Variants in SEC23A observed in about 807,000 individuals in gnomAD.
The protein encoded by SEC23A is SEC23 homolog A, COPII component, also known as protein transport protein Sec23A.
A neutral mutation model predicts 103.7 loss-of-function variants in SEC23A; 56 were observed. The ratio of observed to expected loss-of-function variants is 0.54; its 90% CI spans 0.44 to 0.67. The LOEUF is 0.67. SEC23A is among the 30% of genes least tolerant of loss of function. SEC23A has a pLI of 0.00. For missense variants in SEC23A, 784 were observed against 936.4 expected, an observed-to-expected ratio of 0.84 and a Z score of 2.12; for synonymous variants, 281 against 293.0, an observed-to-expected ratio of 0.96 and a Z score of 0.42.
intron 13 of SEC23A, among the ~76,000 whole-genome samples, chr14:39,056,475 G>GCTTT (rs1484644843): frequency 6.7e-6 from 1 of 149,204 alleles, no homozygotes; most frequent in East Asian, 1.9e-4. Flanking sequence ...AGACAAATTA[G>GCTTT]CTTTTTTTTT....
At position 39,094,391 on chromosome 14, in the gene SEC23A, CACACACATATATATATATATATATATAT is replaced by C. The variant is rs1377497192; in HGVS notation, c.222-1175_222-1148del. ...ATATATATACACACACACACACACA[CACACACATATATATATATATATATATAT>C]ATATATATATATATATATATATATT... On this transcript the variant is annotated intron_variant, in intron 2 of 19. Transcript: ENST00000307712. 7.9e-4 allele frequency among the ~76,000 whole-genome samples: 31 copies of C among 39,460 alleles called. 4 individuals carry two copies. In the East Asian group the frequency reaches 8.6e-3, roughly 11 times the overall value. 25.9% of individuals were successfully genotyped at this position (39,460 alleles called of 152,430 possible).
At chr14:39,048,836 T>C (rs984768081) in intron 14 of SEC23A, 107 bp from the exon 15 acceptor site, 10 of 672,102 alleles carry the variant, frequency 1.5e-5, no homozygotes, top group Non-Finnish European at 1.8e-5. Context: ...AGGAAGCAGA[T>C]ACTTGATAAA....
At chr14:39,033,949 A>G (rs1426386500) in intron 19 of SEC23A, among the ~76,000 whole-genome samples, 1 of 152,228 alleles carries the variant, frequency 6.6e-6, no homozygotes, top group African/African-American at 2.4e-5. Flanking sequence ...TTTTCTTCTT[A>G]TACTCAAGTT....
chr14:39,091,743 T>C (rs1334898293), intron 4 of SEC23A, 30 bp from the exon 5 acceptor site: 2 of 1,471,818 alleles, frequency 1.4e-6, no homozygotes, highest in Admixed American at 1.7e-5. Flanking sequence ...AAAGAAAAAA[T>C]ATGTAGTTTA....
At chr14:39,088,070 G>A (rs1042532573) in intron 5 of SEC23A, 4 of 152,114 alleles carry the variant, frequency 2.6e-5, no homozygotes, top group African/African-American at 9.7e-5. Flanking sequence ...AAAATAGGTA[G>A]TTTATTCCTT....
intron 14 of SEC23A, among the ~76,000 whole-genome samples, chr14:39,052,825 T>C (rs1886113731): frequency 6.6e-6 from 1 of 152,108 alleles, no homozygotes; most frequent in Admixed American, 6.6e-5. Flanking sequence ...TCACAGTAAG[T>C]GAAAATGCTA....
chr14:39,034,831 T>C (rs1012024099), intron 19 of SEC23A, among the ~76,000 whole-genome samples: 4 of 152,194 alleles, frequency 2.6e-5, no homozygotes, highest in African/African-American at 9.7e-5. Context: ...TTATTTAGTA[T>C]ATGAGGCACT....
chr14:39,057,579 C>CTAG (rs1566490434), intron 13 of SEC23A, among the ~76,000 whole-genome samples: 3 of 152,154 alleles, frequency 2.0e-5, no homozygotes, highest in Non-Finnish European at 4.4e-5. Context: ...GTTGCCCAGG[C>CTAG]TAGTCTCCAA....
At chr14:39,092,765 T>C (rs1432014267) in intron 3 of SEC23A, 138 bp from the exon 4 acceptor site, 10 of 625,196 alleles carry the variant, frequency 1.6e-5, no homozygotes, top group Non-Finnish European at 2.2e-5. Flanking sequence ...ATTATTTGTA[T>C]CTTTTTTTAA....
intron 16 of SEC23A, among the ~76,000 whole-genome samples, chr14:39,044,638 G>C (rs1885768145): frequency 6.6e-6 from 1 of 152,114 alleles, no homozygotes; most frequent in Admixed American, 6.5e-5. Context: ...TAAAATAAGT[G>C]GGACAGTCTG....
At chr14:39,075,339 A>G (rs764279451) in intron 8 of SEC23A, among the ~76,000 whole-genome samples, 7 of 152,238 alleles carry the variant, frequency 4.6e-5, no homozygotes, top group Non-Finnish European at 1.0e-4. Context: ...TTTTAAACAT[A>G]TAATACTGAT....
chr14:39,085,969 A>C, intron 6 of SEC23A, 63 bp from the exon 7 acceptor site: 1 of 1,394,400 alleles, frequency 7.2e-7, no homozygotes, highest in Non-Finnish European at 1.0e-6. Flanking sequence ...TTCGATAAAC[A>C]AATTTCACTT....
Position 39,040,856 on chromosome 14 carries a change from T to A in SEC23A, c.2018A>T (p.Gln673Leu). 1.9e-6 allele frequency: 3 copies of A among 1,614,188 alleles called. No individual in the cohort carries two copies. The highest frequency in any genetic ancestry group is 2.5e-6 in the Non-Finnish European group (3 of 1,180,024). ...TIAQWRKSGY[Q>L]DMPEYENFRH... The stretch of plus-strand genomic sequence containing the variant: ...GAAATTTTCATACTCAGGCATATCC[T>A]GGTATCCTGACTTCCGCCACTGTGC... Residue 673 changes from glutamine (Q) to leucine (L), a missense_variant, in exon 18 of 20, where the codon CAG becomes CTG. Around this residue, in one of 2 missense-constraint regions of SEC23A, gnomAD observed 101 missense variants for 162.2 expected, o/e 0.62. Transcript: ENST00000307712.
chr14:39,059,293 A>C (rs968507949), intron 13 of SEC23A, among the ~76,000 whole-genome samples: 1 of 113,986 alleles, frequency 8.8e-6, no homozygotes, highest in Non-Finnish European at 1.9e-5. Flanking sequence ...AAAAAAAAAA[A>C]AAAAAAAAAA....
At chr14:39,041,408 G>GCAAAAAAAAAAAAAA (rs1885632460) in intron 17 of SEC23A, 1 of 8,818 alleles carries the variant, frequency 1.1e-4, no homozygotes, top group Non-Finnish European at 2.1e-4. Flanking sequence ...CAAAGAAAAA[G>GCAAAAAAAAAAAAAA]CAAAAAAAAA....
At chr14:39,056,978 A>G (rs1354666922) in intron 13 of SEC23A, among the ~76,000 whole-genome samples, 2 of 152,006 alleles carry the variant, frequency 1.3e-5, no homozygotes, top group Non-Finnish European at 2.9e-5. Flanking sequence ...TGGGAGAATC[A>G]CTTAAGCCCA....
chr14:39,038,443 A>T (rs1266903818), intron 19 of SEC23A, among the ~76,000 whole-genome samples: 2 of 152,216 alleles, frequency 1.3e-5, no homozygotes, highest in Non-Finnish European at 2.9e-5. Flanking sequence ...CTGCACCCTA[A>T]AGAGCCAATA....
intron 14 of SEC23A, among the ~76,000 whole-genome samples, chr14:39,052,146 G>A (rs1025838859): frequency 6.6e-6 from 1 of 151,988 alleles, no homozygotes; most frequent in African/African-American, 2.4e-5. Flanking sequence ...ACACACACTG[G>A]GCACCTGTGG....
At chr14:39,100,449 G>A (rs960796509) in intron 1 of SEC23A, among the ~76,000 whole-genome samples, 3 of 145,082 alleles carry the variant, frequency 2.1e-5, no homozygotes, top group East Asian at 4.0e-4. Flanking sequence ...AGTTTCGCTC[G>A]TTGCCCAGGC....
Sources: allele counts gnomAD v4.1 joint callset (sites outside exome capture counted in the v4.1 genomes callset), GRCh38; gene constraint gnomAD v4.1.1; regional missense constraint gnomAD v4.1.1; transcripts MANE v1.5; gene names NCBI Gene and HGNC (gene_info 2026-07-23, HGNC 2026-07-21).